Variants in NLRP5 observed in about 807,000 individuals in gnomAD.
The protein encoded by NLRP5 is NACHT, LRR and PYD domains-containing protein 5.
NLRP5 carries 93 observed loss-of-function variants against 113.1 expected under a neutral mutation model. The observed-to-expected ratio is 0.82, with a 90% CI of 0.70 to 0.98. NLRP5 has a LOEUF of 0.98. NLRP5 is among the 50% of genes least tolerant of loss of function. The pLI, the probability that NLRP5 is intolerant of heterozygous loss-of-function variation, is 0.00. For missense variants in NLRP5, 1,808 were observed against 1,514.3 expected, an observed-to-expected ratio of 1.19 and a Z score of -3.22; for synonymous variants, 751 against 600.7, an observed-to-expected ratio of 1.25 and a Z score of -3.66.
upstream of NLRP5, among the ~76,000 whole-genome samples, chr19:55,998,684 A>ATGTGTGTG (rs1203915046): frequency 1.2e-5 from 1 of 82,026 alleles, no homozygotes; most frequent in Non-Finnish European, 2.0e-5. Context: ...ATATATATAT[A>ATGTGTGTG]TATATATATA....
At chr19:56,022,655 C>CT (rs1982659379) in intron 6 of NLRP5, among the ~76,000 whole-genome samples, 3 of 151,924 alleles carry the variant, frequency 2.0e-5, no homozygotes, top group African/African-American at 7.3e-5. Context: ...CAAACACAAC[C>CT]TTTTTTTCTT....
chr19:56,005,880 T>C (rs1981891014), intron 2 of NLRP5, among the ~76,000 whole-genome samples: 1 of 152,190 alleles, frequency 6.6e-6, no homozygotes, highest in Non-Finnish European at 1.5e-5. Flanking sequence ...CCCAGTGAAA[T>C]GGGTTCCCTA....
At chr19:56,005,093 CAAAAA>C (rs1163132309) in intron 2 of NLRP5, among the ~76,000 whole-genome samples, 7 of 76,410 alleles carry the variant, frequency 9.2e-5, no homozygotes, top group African/African-American at 1.6e-4. Context: ...GACTGTGTCT[CAAAAA>C]AAAAAAAAAA....
chr19:56,035,654 A>C (rs1983283187), intron 9 of NLRP5, among the ~76,000 whole-genome samples: 1 of 152,178 alleles, frequency 6.6e-6, no homozygotes, highest in Non-Finnish European at 1.5e-5. Context: ...TCAACTAATG[A>C]ATTTACCTTC....
chr19:56,022,957 C>T (rs1004677784), intron 6 of NLRP5, among the ~76,000 whole-genome samples: 5 of 152,114 alleles, frequency 3.3e-5, no homozygotes, highest in Admixed American at 1.3e-4. Flanking sequence ...AACTCTCAAC[C>T]TCAGGTGATC....
intron 7 of NLRP5, among the ~76,000 whole-genome samples, chr19:56,028,967 G>A (rs942166586): frequency 5.3e-5 from 8 of 152,188 alleles, no homozygotes; most frequent in Admixed American, 2.6e-4. Context: ...ATTTCGCCAC[G>A]TTGGCCAGGC....
intron 11 of NLRP5, among the ~76,000 whole-genome samples, chr19:56,042,549 A>G (rs1983560143): frequency 6.6e-6 from 1 of 152,098 alleles, no homozygotes. Flanking sequence ...GGGTTTCACC[A>G]TGTTGTCTAG....
intron 12 of NLRP5, among the ~76,000 whole-genome samples, chr19:56,051,748 C>T (rs372998501): frequency 2.6e-4 from 39 of 152,264 alleles, no homozygotes; most frequent in Non-Finnish European, 4.1e-4. Flanking sequence ...AAGCTGGACA[C>T]GTACCTTATA....
intron 3 of NLRP5, 27 bp from the exon 4 acceptor site, chr19:56,015,715 T>A: frequency 4.5e-6 from 7 of 1,544,582 alleles, no homozygotes; most frequent in Non-Finnish European, 6.1e-6. Context: ...TATGTTTGTG[T>A]TTATTCTTCT....
chr19:56,042,117 C>A (rs1272573819), intron 11 of NLRP5, among the ~76,000 whole-genome samples: 4 of 152,178 alleles, frequency 2.6e-5, no homozygotes, highest in African/African-American at 9.7e-5. Context: ...CTGCTCTGCA[C>A]ACATGCATGA....
At chr19:56,051,795 C>A (rs1324639430) in intron 12 of NLRP5, among the ~76,000 whole-genome samples, 2 of 152,166 alleles carry the variant, frequency 1.3e-5, no homozygotes, top group East Asian at 3.8e-4. Flanking sequence ...TGATTTCATT[C>A]CAAACGCTTG....
In NLRP5 at chr19:56,050,482, T is replaced by A; in HGVS notation, c.3022T>A (p.Ser1008Thr). ...TCTTGCACTTGCGCTTATGGGTAAC[T>A]CATGGCTGACGCACCTGAGCCTTAG... is the stretch of plus-strand genomic sequence containing the variant. Residue 1008 changes from serine to threonine, a missense_variant, in exon 12 of 15, where the codon TCA becomes ACA. Ser to Thr is a moderately conservative substitution (Grantham distance 58). Coordinates refer to ENST00000390649, the MANE Select transcript of NLRP5 (RefSeq NM_153447.4). The A allele has an allele frequency of 6.2e-7, 1 of 1,613,900 alleles. No individual in the cohort carries two copies.
chr19:56,043,031 C>T (rs923537456), intron 11 of NLRP5, among the ~76,000 whole-genome samples: 6 of 152,006 alleles, frequency 3.9e-5, no homozygotes, highest in Admixed American at 6.6e-5. Flanking sequence ...GTTGGTTCCA[C>T]GATTTTGCAA....
At chr19:56,030,998 G>A (rs188229238) in intron 7 of NLRP5, among the ~76,000 whole-genome samples, 23 of 151,694 alleles carry the variant, frequency 1.5e-4, no homozygotes, top group African/African-American at 5.3e-4. Flanking sequence ...AGGCGTGAGC[G>A]ACTGCGCCCG....
intron 2 of NLRP5, among the ~76,000 whole-genome samples, chr19:56,005,567 A>G (rs1322091677): frequency 8.4e-6 from 1 of 118,528 alleles, no homozygotes; most frequent in African/African-American, 3.2e-5. Flanking sequence ...ACACACATAT[A>G]TATTTATACA....
chr19:56,040,945 C>T lies in NLRP5; in HGVS notation c.2810C>T (p.Ala937Val). ...AGACTGGAGGACTGTGGCATCACAGCCACGGGTTGCCAGAGTCTGGCCTCA... is the reference window on the plus strand; with the variant it reads ...AGACTGGAGGACTGTGGCATCACAGTCACGGGTTGCCAGAGTCTGGCCTCA... The change falls in exon 11 of 15, where the codon GCC becomes GTC. Residue 937 changes from alanine to valine, a missense_variant. Transcript: ENST00000390649. The T allele has an allele frequency of 8.1e-6, 13 of 1,613,904 alleles. No individual in the cohort carries two copies. Among genetic ancestry groups the T allele is most frequent in the Non-Finnish European group, 1.1e-5 (13 of 1,179,818 alleles).
intron 4 of NLRP5, among the ~76,000 whole-genome samples, chr19:56,016,871 C>G (rs756758624): frequency 6.6e-5 from 10 of 152,016 alleles, no homozygotes; most frequent in African/African-American, 2.4e-4. Flanking sequence ...TGCAGTGGCG[C>G]GATCTCAGCT....
chr19:56,027,489 C>T lies in NLRP5; in HGVS notation c.1256C>T (p.Ser419Leu), dbSNP rs1982909607. The change falls in exon 7 of 15, where the codon TCA becomes TTA. Residue 419 changes from serine (S) to leucine (L), a missense_variant. Coordinates refer to ENST00000390649, the MANE Select transcript of NLRP5 (RefSeq NM_153447.4). ...GACGTGGGCACAGAGAAGCTCAAGT[C>T]AGAGGTCGTGTCTCCCCGTTACCTG... 1.2e-6 allele frequency: 2 copies of T among 1,613,918 alleles called. No homozygotes were observed. Among genetic ancestry groups the T allele is most frequent in the Non-Finnish European group, 1.7e-6 (2 of 1,179,858 alleles).
intron 13 of NLRP5, among the ~76,000 whole-genome samples, chr19:56,056,639 A>G (rs8105343): frequency 0.14 from 21,017 of 152,150 alleles, 1,630 homozygotes; most frequent in East Asian, 0.31. Flanking sequence ...GAATCCCACA[A>G]TCATCCGTGT....
Sources: allele counts gnomAD v4.1 joint callset (sites outside exome capture counted in the v4.1 genomes callset), GRCh38; gene constraint gnomAD v4.1.1; transcripts MANE v1.5; gene names NCBI Gene and HGNC (gene_info 2026-07-23, HGNC 2026-07-21).